SCN4B: variants seen among roughly 807,000 people sequenced by gnomAD.
The protein encoded by SCN4B is sodium voltage-gated channel beta subunit 4.
A neutral mutation model predicts 19.6 loss-of-function variants in SCN4B; 20 were observed. The observed-to-expected ratio is 1.02, with a 90% CI of 0.72 to 1.48. The LOEUF (loss-of-function observed/expected upper bound fraction) is 1.48, where lower values mean the gene tolerates loss of function less well. Among genes scored for constraint, SCN4B ranks in the 40% most tolerant of loss-of-function variants. The pLI is 0.00. For synonymous variants in SCN4B, 127 were observed against 122.8 expected, an observed-to-expected ratio of 1.03 and a Z score of -0.22; for missense variants, 271 against 287.5, an observed-to-expected ratio of 0.94 and a Z score of 0.42.
At chr11:118,145,377 A>C (rs572503867) in intron 1 of SCN4B, 148 bp from the exon 2 acceptor site, 24 of 1,534,322 alleles carry the variant, frequency 1.6e-5, no homozygotes, top group Non-Finnish European at 2.1e-5. Flanking sequence ...TGTCTACTCC[A>C]ATCAGCACCG....
chr11:118,136,870 C>A lies in SCN4B; in HGVS notation c.*157G>T, dbSNP rs1205113651. 1.4e-6 allele frequency: 1 copy of A among 697,606 alleles called. No individual in the cohort carries two copies. The highest frequency in any genetic ancestry group is 1.5e-5 in the South Asian group (1 of 66,614). 43.2% of individuals were successfully genotyped at this position (697,606 alleles called of 1,614,324 possible). ...GAGCCCTGACTGGGAAGGGGATGGG[C>A]AGGCTGGGCAGGACTCTGGTTTCTT... On this transcript the variant is annotated 3_prime_UTR_variant, in exon 5 of 5. Transcript: ENST00000324727.
chr11:118,149,495 G>T (rs965825055), intron 1 of SCN4B, among the ~76,000 whole-genome samples: 1 of 152,210 alleles, frequency 6.6e-6, no homozygotes, highest in African/African-American at 2.4e-5. Context: ...GCTTTGGGAG[G>T]CAGGGATGGG....
Position 118,134,953 on chromosome 11 carries a change from G to A in SCN4B, c.*2074C>T, listed in dbSNP as rs1250204193. 2.2e-6 allele frequency: 1 copy of A among 453,992 alleles called. No individual in the cohort carries two copies. The highest frequency in any genetic ancestry group is 4.4e-6 in the Non-Finnish European group (1 of 226,792). 28.1% of individuals were successfully genotyped at this position (453,992 alleles called of 1,614,324 possible). ...TCTAGAAATCAGCAGTAGACCCTGG[G>A]GAGGAAAGAGAGGATGGTGCCCTTC... On this transcript the variant is annotated 3_prime_UTR_variant, in exon 5 of 5. Transcript: ENST00000324727.
rs2135501698 is a variant in SCN4B, at chr11:118,141,331, CT to C, written c.468del (p.Glu157LysfsTer6). On this transcript the variant is annotated frameshift_variant, in exon 4 of 5. Coordinates refer to ENST00000324727, the MANE Select transcript of SCN4B (RefSeq NM_174934.4). LOFTEE classifies it high-confidence loss of function. ...TIFLQVVDRL[E>X]EVDNTVTLII... The stretch of plus-strand genomic sequence containing the variant: ...ATGAGTGTCACTGTGTTGTCCACTT[CT>C]TCCACTGTGTGGCCCGAGTAGGGAG... The C allele has an allele frequency of 6.2e-7, 1 of 1,612,364 alleles. No homozygotes were observed. The highest frequency in any genetic ancestry group is 8.5e-7 in the Non-Finnish European group (1 of 1,180,012).
chr11:118,143,465 A>T (rs559644915), intron 3 of SCN4B, among the ~76,000 whole-genome samples: 1 of 152,342 alleles, frequency 6.6e-6, no homozygotes, highest in East Asian at 1.9e-4. Context: ...AATGCCTGAC[A>T]TTCAATCAAT....
At chr11:118,140,432 G>A (rs181463721) in intron 4 of SCN4B, among the ~76,000 whole-genome samples, 69 of 152,312 alleles carry the variant, frequency 4.5e-4, no homozygotes, top group Middle Eastern at 3.4e-3. Context: ...AGGGGCAGAG[G>A]AGTTCTCCAT....
rs182279144 is a variant in SCN4B at position 118,141,108 on chromosome 11, G to T, written c.593+99C>A. ...CAGAGAGCGGTAGGAATGGGAATGG[G>T]GGGAAGGAGGAGGCAGGTGGAAGGC... On this transcript the variant is annotated intron_variant, in intron 4 of 4. Coordinates refer to ENST00000324727, the MANE Select transcript of SCN4B (RefSeq NM_174934.4). 3.9e-5 allele frequency: 53 copies of T among 1,359,950 alleles called. No homozygotes were observed. In the African/African-American group the frequency reaches 6.0e-4, roughly 15 times the overall value. The allele number at this position is 1,359,950 out of a possible 1,614,324, so 84.2% of individuals were successfully genotyped here.
rs1401385295 is a variant in SCN4B, at chr11:118,133,640, A to C, written c.*3387T>G. 2.2e-6 allele frequency: 1 copy of C among 454,592 alleles called. No homozygotes were observed. Among genetic ancestry groups the C allele is most frequent in the Non-Finnish European group, 4.4e-6 (1 of 226,804 alleles). The allele number at this position is 454,592 out of a possible 1,614,324, so 28.2% of individuals were successfully genotyped here. A position where few individuals can be genotyped will look rare whatever the true frequency, so the allele number is the denominator to read the frequency against. ...TCCAAGCCAGAGGAATAAACCATGCATAAGATAGTCAAAAGCACTGCATAT... is the reference window on the plus strand; with the variant it reads ...TCCAAGCCAGAGGAATAAACCATGCCTAAGATAGTCAAAAGCACTGCATAT... On this transcript the variant is annotated 3_prime_UTR_variant, in exon 5 of 5. Transcript: ENST00000324727.
In SCN4B at chr11:118,136,226, C is replaced by T. The variant is rs1009027155; in HGVS notation, c.*801G>A. On this transcript the variant is annotated 3_prime_UTR_variant, in exon 5 of 5. Coordinates refer to ENST00000324727, the MANE Select transcript of SCN4B (RefSeq NM_174934.4). ...GAGGCCCAGGACACTGGCTCACTAC[C>T]TCTGTGGCCCAATTCCCCAAGTAGA... The T allele has an allele frequency of 4.4e-6, 2 of 453,800 alleles. No individual in the cohort carries two copies. Among genetic ancestry groups the T allele is most frequent in the Non-Finnish European group, 4.4e-6 (1 of 226,702 alleles). 28.1% of individuals were successfully genotyped at this position (453,800 alleles called of 1,614,324 possible). A position where few individuals can be genotyped will look rare whatever the true frequency, so the allele number is the denominator to read the frequency against.
At position 118,148,010 on chromosome 11, in the gene SCN4B, G is replaced by A. The variant is rs614825; in HGVS notation, c.62-2781C>T. Among the ~76,000 whole-genome samples, 95,169 of 151,900 alleles carry A rather than the reference G, an allele frequency of 0.63. 30,943 individuals are homozygous for A. Among genetic ancestry groups the A allele is most frequent in the African/African-American group, 0.8 (33,272 of 41,512 alleles). On this transcript the variant is annotated intron_variant, in intron 1 of 4. Transcript: ENST00000324727. This position sits in a 1 kb window ranked among gnomAD's most constrained non-coding sequence, Gnocchi z 4.0. ...GCAAAAGATGGGTCCAGAAGAGAGG[G>A]GAACACTGTATCTTTAAGGTCTGGC...
chr11:118,149,743 G>C (rs931346061), intron 1 of SCN4B, among the ~76,000 whole-genome samples: 1 of 152,156 alleles, frequency 6.6e-6, no homozygotes, highest in Non-Finnish European at 1.5e-5. Context: ...GGCTTATGCA[G>C]AGATCCCTAC....
chr11:118,150,933 G>A (rs1299236734), intron 1 of SCN4B, among the ~76,000 whole-genome samples: 1 of 152,176 alleles, frequency 6.6e-6, no homozygotes, highest in African/African-American at 2.4e-5. Flanking sequence ...GGGGCCTGCA[G>A]GTCTCCCACC....
Position 118,152,773 on chromosome 11 carries a change from C to T in SCN4B, c.-100G>A. ...TCGGCGTTCGGCCACAAAGCTACCC[C>T]GGAGCTCTGCGCCGCCGGTCGGGGC... On this transcript the variant is annotated 5_prime_UTR_variant, in exon 1 of 5. Coordinates refer to ENST00000324727, the MANE Select transcript of SCN4B (RefSeq NM_174934.4). The T allele has an allele frequency of 3.5e-6, 3 of 859,606 alleles. No homozygotes were observed. Among genetic ancestry groups the T allele is most frequent in the South Asian group, 2.1e-5 (1 of 47,862 alleles). The allele number at this position is 859,606 out of a possible 1,614,324, so 53.2% of individuals were successfully genotyped here.
chr11:118,141,375 G>C, intron 3 of SCN4B, 39 bp from the exon 4 acceptor site: 1 of 1,611,726 alleles, frequency 6.2e-7, no homozygotes, highest in Non-Finnish European at 8.5e-7. Flanking sequence ...AAGGCACAAA[G>C]GGAGCAAGAG....
chr11:118,145,953 A>G (rs1379910966), intron 1 of SCN4B, among the ~76,000 whole-genome samples: 2 of 151,882 alleles, frequency 1.3e-5, no homozygotes, highest in Non-Finnish European at 2.9e-5. Context: ...GTGGGGACCG[A>G]CGCGGGGCTT....
rs1367247045 is a variant in SCN4B, at chr11:118,148,253, C to T, written c.62-3024G>A. ...AGCCTGGCTTCTTCAGTGCACAGCC[C>T]TCCCAGTCGGGAGTCATGCAGTCCT... On this transcript the variant is annotated intron_variant, in intron 1 of 4. Coordinates refer to ENST00000324727, the MANE Select transcript of SCN4B (RefSeq NM_174934.4). The surrounding 1 kb of genome is among the most constrained non-coding windows in gnomAD (Gnocchi z 4.0). Among the ~76,000 whole-genome samples, 2 of 152,242 alleles carry T rather than the reference C, an allele frequency of 1.3e-5. No individual in the cohort carries two copies. The highest frequency in any genetic ancestry group is 2.4e-5 in the African/African-American group (1 of 41,454).
At chr11:118,146,145 C>T (rs1948171897) in intron 1 of SCN4B, among the ~76,000 whole-genome samples, 1 of 152,140 alleles carries the variant, frequency 6.6e-6, no homozygotes, top group Admixed American at 6.5e-5. Context: ...CCACACTCCG[C>T]CCCCTCGTCC....
In SCN4B at chr11:118,145,054, T is replaced by TA. The variant is rs1948152569; in HGVS notation, c.234+2dup. ...CTGTACTGTTCTTCCTCCAAATACTTACAATCTTGAATGCGTCACTGCTGT... is the reference window on the plus strand; with the variant it reads ...CTGTACTGTTCTTCCTCCAAATACTTAACAATCTTGAATGCGTCACTGCTGT... On this transcript the variant is annotated splice_region_variant and intron_variant, in intron 2 of 4. Coordinates refer to ENST00000324727, the MANE Select transcript of SCN4B (RefSeq NM_174934.4). The TA allele has an allele frequency of 6.2e-7, 1 of 1,613,928 alleles. No homozygotes were observed.
chr11:118,133,540 A>G lies in SCN4B; in HGVS notation c.*3487T>C, dbSNP rs558321409. 1 of 454,344 alleles carries G rather than the reference A, an allele frequency of 2.2e-6. No homozygotes were observed. The highest frequency in any genetic ancestry group is 6.9e-5 in the East Asian group (1 of 14,396). The allele number at this position is 454,344 out of a possible 1,614,324, so 28.1% of individuals were successfully genotyped here. ...CCTCCCAGAGGCACTCGCACACCTG[A>G]GGCCTCCCAAGGCCTGTTGTTGCAT... On this transcript the variant is annotated 3_prime_UTR_variant, in exon 5 of 5. Coordinates refer to ENST00000324727, the MANE Select transcript of SCN4B (RefSeq NM_174934.4).
Sources: gnomAD v4.1 joint callset for allele counts (sites outside exome capture counted in the v4.1 genomes callset) on GRCh38, gnomAD v4.1.1 for gene constraint, Gnocchi (gnomAD v3.1) non-coding constraint, MANE v1.5 for transcripts, NCBI Gene and HGNC (gene_info 2026-07-23, HGNC 2026-07-21) for gene names.